The following PTK2B variants were observed in gnomAD, a reference collection of about 807,000 sequenced individuals.
The protein encoded by PTK2B is protein tyrosine kinase 2 beta, also known as protein-tyrosine kinase 2-beta.
A neutral mutation model predicts 142.9 loss-of-function variants in PTK2B; 71 were observed. That is an observed-to-expected ratio of 0.50 (90% CI 0.41 to 0.61). The LOEUF (loss-of-function observed/expected upper bound fraction) is 0.61, where lower values mean the gene tolerates loss of function less well. Ranked by LOEUF, PTK2B falls within the 20% of genes least tolerant of loss-of-function variation. PTK2B has a pLI of 0.00. For synonymous variants in PTK2B, 519 were observed against 503.4 expected (o/e 1.03, Z -0.42); for missense variants, 1,105 against 1,320.4 (o/e 0.84, Z 2.53).
In PTK2B at chr8:27,434,118, C is replaced by G; in HGVS notation, c.1131C>G (p.Pro377=). 1 of 1,614,114 alleles carries G rather than the reference C, an allele frequency of 6.2e-7. No individual in the cohort carries two copies. Among genetic ancestry groups the G allele is most frequent in the South Asian group, 1.1e-5 (1 of 91,082 alleles). ...RKDGEKRNSL[P]QIPMLNLEAR... ...ATGGTGAGAAGCGGAACAGCCTGCC[C>G]CAGATCCCCATGCTGTGAGTACAAT... Residue 377 remains proline, a synonymous_variant, in exon 12 of 31, where the codon CCC becomes CCG. Coordinates refer to ENST00000346049, the MANE Select transcript of PTK2B (RefSeq NM_173176.3).
chr8:27,403,195 T>G lies in PTK2B; in HGVS notation c.204+5407T>G, dbSNP rs574346286. On this transcript the variant is annotated intron_variant, in intron 2 of 30. Coordinates refer to ENST00000346049, the MANE Select transcript of PTK2B (RefSeq NM_173176.3). ...CTCATTTTCCCAGTACTCAGAATGCTGCCAGCCCTTTCAAATTTGCCAAGC... is the reference window on the plus strand; with the variant it reads ...CTCATTTTCCCAGTACTCAGAATGCGGCCAGCCCTTTCAAATTTGCCAAGC... Among the ~76,000 whole-genome samples, 3 of 152,352 alleles carry G rather than the reference T, an allele frequency of 2.0e-5. No homozygotes were observed. The South Asian group carries it at 6.2e-4, about 32-fold the overall frequency.
intron 28 of PTK2B, chr8:27,453,935 G>T: frequency 1.7e-6 from 1 of 572,260 alleles, no homozygotes; most frequent in Non-Finnish European, 3.0e-6. Flanking sequence ...AGTCTGTTGT[G>T]AGGCTACCAC....
rs1161864858 is a variant in PTK2B at position 27,437,389 on chromosome 8, A to G, written c.1427-7A>G. On this transcript the variant is annotated splice_polypyrimidine_tract_variant and splice_region_variant and intron_variant, in intron 16 of 30. Coordinates refer to ENST00000346049, the MANE Select transcript of PTK2B (RefSeq NM_173176.3). ...CCACCTGTCCCTCTTGCCCCACCAC[A>G]CTGCAGTGATCATGAAGAACCTCGA... The G allele has an allele frequency of 6.2e-7, 1 of 1,609,448 alleles. No individual in the cohort carries two copies. The highest frequency in any genetic ancestry group is 1.3e-5 in the African/African-American group (1 of 74,686).
rs775132770 is a variant in PTK2B at position 27,437,489 on chromosome 8, A to G, written c.1520A>G (p.Tyr507Cys). 28 of 1,606,254 alleles carry G rather than the reference A, an allele frequency of 1.7e-5. No homozygotes were observed. In the East Asian group the frequency reaches 3.6e-4, roughly 20 times the overall value. ...TGGATCATCATGGAATTGTATCCCTATGGGGAGGTGAGCTGGAGGACCCTG... is the reference window on the plus strand; with the variant it reads ...TGGATCATCATGGAATTGTATCCCTGTGGGGAGGTGAGCTGGAGGACCCTG... ...PTWIIMELYPYGELGHYLERN... is the reference protein window; with the variant it reads ...PTWIIMELYPCGELGHYLERN... Residue 507 changes from tyrosine to cysteine, a missense_variant, in exon 17 of 31, where the codon TAT (tyrosine) becomes TGT (cysteine). Transcript: ENST00000346049.
intron 2 of PTK2B, among the ~76,000 whole-genome samples, chr8:27,406,651 A>G (rs1808732263): frequency 6.6e-6 from 1 of 152,070 alleles, no homozygotes; most frequent in Admixed American, 6.5e-5. Flanking sequence ...GGTTCTCACG[A>G]TGATTGGGGC....
intron 2 of PTK2B, among the ~76,000 whole-genome samples, chr8:27,415,556 C>T (rs1437960798): frequency 6.6e-6 from 1 of 152,160 alleles, no homozygotes; most frequent in Non-Finnish European, 1.5e-5. Flanking sequence ...TAAAAGGAAA[C>T]CTGCTCTTGA....
intron 1 of PTK2B, among the ~76,000 whole-genome samples, chr8:27,334,196 A>G (rs534831119): frequency 4.0e-5 from 6 of 151,740 alleles, no homozygotes; most frequent in African/African-American, 1.5e-4. Flanking sequence ...ATTGCTTCAT[A>G]TTTTTACCCA....
intron 3 of PTK2B, among the ~76,000 whole-genome samples, chr8:27,319,103 T>C (rs187795632): frequency 6.6e-6 from 1 of 152,354 alleles, no homozygotes; most frequent in East Asian, 1.9e-4. Flanking sequence ...AGCCCTTTTT[T>C]ATCCTCTGTG....
At chr8:27,354,543 C>T (rs913055417) in intron 1 of PTK2B, among the ~76,000 whole-genome samples, 11 of 152,104 alleles carry the variant, frequency 7.2e-5, no homozygotes, top group African/African-American at 2.4e-4. Flanking sequence ...TTTTGATTTG[C>T]GGCCGGCAGG....
At chr8:27,386,949 G>T (rs971763627) in intron 1 of PTK2B, among the ~76,000 whole-genome samples, 1 of 150,810 alleles carries the variant, frequency 6.6e-6, no homozygotes, top group South Asian at 2.1e-4. Context: ...CCTTAATCAA[G>T]TCCTACATAT....
At position 27,344,339 on chromosome 8, in the gene PTK2B, C is replaced by T. The variant is rs548581130; in HGVS notation, c.-38+18658C>T. Among the ~76,000 whole-genome samples the T allele has an allele frequency of 2.6e-5, 4 of 152,318 alleles. No homozygotes were observed. The East Asian group carries it at 5.8e-4, about 22-fold the overall frequency. On this transcript the variant is annotated intron_variant, in intron 1 of 30. Coordinates refer to ENST00000346049, the MANE Select transcript of PTK2B (RefSeq NM_173176.3). The stretch of plus-strand genomic sequence containing the variant: ...CAAGGCAGGTCCCAAGGGTTAGAAG[C>T]GAGGGCTTCTCAAGGTGTGGCCCCT...
chr8:27,430,145 G>T lies in PTK2B; in HGVS notation c.604G>T (p.Glu202Ter). The T allele has an allele frequency of 6.2e-7, 1 of 1,613,294 alleles. No individual in the cohort carries two copies. The change falls in exon 6 of 31, where the codon GAG becomes TAG. Residue 202 changes from glutamate to a stop codon, truncating the protein, a stop_gained. Transcript: ENST00000346049. LOFTEE classifies it high-confidence loss of function. The stretch of plus-strand genomic sequence containing the variant: ...TGCACTTGACAAGAAGTCCAACTTC[G>T]AGCTCCTAGAGTAAGTTCTGGGATC... ...HNALDKKSNF[E>*]LLEKEVGLDL...
intron 5 of PTK2B, among the ~76,000 whole-genome samples, chr8:27,429,069 G>A (rs964768849): frequency 2.0e-5 from 3 of 152,096 alleles, no homozygotes; most frequent in African/African-American, 4.8e-5. Flanking sequence ...ACCATGCCTG[G>A]CTAATTTTTG....
At chr8:27,396,969 TCC>T (rs1327789663) in intron 1 of PTK2B, among the ~76,000 whole-genome samples, 3 of 152,178 alleles carry the variant, frequency 2.0e-5, no homozygotes, top group African/African-American at 7.2e-5. Flanking sequence ...GACGGAAGCC[TCC>T]CACCCTGAAA....
intron 22 of PTK2B, 36 bp from the exon 23 acceptor site, chr8:27,444,170 G>A (rs376049252): frequency 1.3e-6 from 2 of 1,580,840 alleles, no homozygotes; most frequent in Non-Finnish European, 8.7e-7. Flanking sequence ...CTCAAGGAGA[G>A]GGACAGAGAC....
chr8:27,393,346 C>A (rs1044941746), intron 1 of PTK2B, among the ~76,000 whole-genome samples: 2 of 152,236 alleles, frequency 1.3e-5, no homozygotes, highest in Non-Finnish European at 2.9e-5. Context: ...GAGGAACTTG[C>A]ATCAGGCTGA....
At chr8:27,450,342 C>G (rs377503962) in intron 24 of PTK2B, among the ~76,000 whole-genome samples, 3 of 152,256 alleles carry the variant, frequency 2.0e-5, no homozygotes, top group East Asian at 1.9e-4. Flanking sequence ...CCTTGGAAAC[C>G]CTTTGGATGC....
intron 1 of PTK2B, among the ~76,000 whole-genome samples, chr8:27,333,660 T>C (rs1803888925): frequency 6.6e-6 from 1 of 152,176 alleles, no homozygotes; most frequent in African/African-American, 2.4e-5. Context: ...CTGTCTTCCA[T>C]ATTCTTGATT....
At chr8:27,416,714 T>C (rs1809421444) in intron 2 of PTK2B, among the ~76,000 whole-genome samples, 1 of 152,066 alleles carries the variant, frequency 6.6e-6, no homozygotes, top group Admixed American at 6.6e-5. Flanking sequence ...AAATACATCA[T>C]ACAAAATACT....
Sources: allele counts gnomAD v4.1 joint callset (sites outside exome capture counted in the v4.1 genomes callset), GRCh38; gene constraint gnomAD v4.1.1; transcripts MANE v1.5; gene names NCBI Gene and HGNC (gene_info 2026-07-23, HGNC 2026-07-21).